Variants in AMZ1 observed in about 807,000 individuals in gnomAD.
The protein encoded by AMZ1 is archaelysin family metallopeptidase 1.
A neutral mutation model predicts 29.9 loss-of-function variants in AMZ1; 39 were observed. The ratio of observed to expected loss-of-function variants is 1.30; its 90% CI spans 1.01 to 1.70. The LOEUF (loss-of-function observed/expected upper bound fraction) is 1.70. AMZ1 is among the 40% of genes most tolerant of loss of function. The pLI is 0.00. For synonymous variants in AMZ1, 458 were observed against 304.0 expected (o/e 1.51, Z -5.27); for missense variants, 1,041 against 680.6 (o/e 1.53, Z -5.89).
chr7:2,698,448 G>A (rs1787865981), intron 1 of AMZ1, among the ~76,000 whole-genome samples: 1 of 152,136 alleles, frequency 6.6e-6, no homozygotes, highest in Non-Finnish European at 1.5e-5. Context: ...TGGGGCAGCA[G>A]AATTGCTTGA....
chr7:2,687,145 G>T (rs1326675965), upstream of AMZ1, among the ~76,000 whole-genome samples: 1 of 152,064 alleles, frequency 6.6e-6, no homozygotes, highest in African/African-American at 2.4e-5. Context: ...TGGCCAAGAA[G>T]GTGAAACCCC....
intron 4 of AMZ1, among the ~76,000 whole-genome samples, chr7:2,737,263 AGTTTTGTTTT>A (rs569069278): frequency 1.3e-5 from 1 of 79,590 alleles, no homozygotes; most frequent in Non-Finnish European, 2.7e-5. Context: ...GCTATCTCAC[AGTTTTGTTTT>A]GTTTTTTTTT....
At chr7:2,763,641 C>T (rs1188002057), upstream of AMZ1, among the ~76,000 whole-genome samples, 1 of 152,260 alleles carries the variant, frequency 6.6e-6, no homozygotes, top group African/African-American at 2.4e-5. Context: ...AACACATTTA[C>T]ACTTCCCAAG....
At chr7:2,735,538 A>T (rs980729708) in intron 4 of AMZ1, among the ~76,000 whole-genome samples, 1 of 152,202 alleles carries the variant, frequency 6.6e-6, no homozygotes, top group African/African-American at 2.4e-5. Flanking sequence ...GATGGGAAGC[A>T]GAAAACAGGA....
chr7:2,735,475 T>C (rs771581558), intron 4 of AMZ1, among the ~76,000 whole-genome samples: 1 of 152,028 alleles, frequency 6.6e-6, no homozygotes, highest in African/African-American at 2.4e-5. Flanking sequence ...TCCGCCCAGA[T>C]AGTACGGACG....
chr7:2,717,051 C>T lies in AMZ1; in HGVS notation c.*4173C>T, dbSNP rs557746917. 6.6e-6 allele frequency among the ~76,000 whole-genome samples: 1 copy of T among 152,274 alleles called. No individual in the cohort carries two copies. The highest frequency in any genetic ancestry group is 1.9e-4 in the East Asian group (1 of 5,182). On this transcript the variant is annotated 3_prime_UTR_variant, in exon 7 of 7. Coordinates refer to ENST00000683327, the MANE Select transcript of AMZ1 (RefSeq NM_001384743.1). ...ACGCGGGAGGCCTGCACCCTGATCC[C>T]TGAGCAGCCCCCACACACCGGCACC...
At position 2,709,253 on chromosome 7, in the gene AMZ1, G is replaced by C. The variant is rs370587760; in HGVS notation, c.771+9G>C. ...TGGTTCAGTGCTGCAAGGTGGGTGG[G>C]GGCTCTGGGGCTGGTAAGAGGGGAC... On this transcript the variant is annotated intron_variant, in intron 5 of 6. Transcript: ENST00000683327. The C allele has an allele frequency of 3.4e-6, 5 of 1,488,880 alleles. No homozygotes were observed. The highest frequency in any genetic ancestry group is 1.4e-5 in the South Asian group (1 of 71,752). 92.2% of individuals were successfully genotyped at this position (1,488,880 alleles called of 1,614,324 possible). A position where few individuals can be genotyped will look rare whatever the true frequency, so the allele number is the denominator to read the frequency against.
At chr7:2,708,126 C>T (rs188342447) in intron 3 of AMZ1, among the ~76,000 whole-genome samples, 2 of 152,226 alleles carry the variant, frequency 1.3e-5, no homozygotes, top group Admixed American at 1.3e-4. Context: ...CCCGGCCTTA[C>T]CGAGGGTTCT....
upstream of AMZ1, among the ~76,000 whole-genome samples, chr7:2,686,276 T>C (rs1344775081): frequency 6.6e-6 from 1 of 152,158 alleles, no homozygotes; most frequent in South Asian, 2.1e-4. Context: ...CTCATACCTG[T>C]GATCTCAACA....
intron 4 of AMZ1, among the ~76,000 whole-genome samples, chr7:2,737,289 G>GTTTTTTTTTTTTTT (rs11389467): frequency 1.6e-3 from 101 of 62,262 alleles, no homozygotes; most frequent in Non-Finnish European, 2.3e-3. Flanking sequence ...TTTTTTTTTT[G>GTTTTTTTTTTTTTT]TTTTTTTTTT....
chr7:2,698,340 C>G (rs1430987315), intron 1 of AMZ1, among the ~76,000 whole-genome samples: 1 of 152,188 alleles, frequency 6.6e-6, no homozygotes. Context: ...GAGTTTGAGA[C>G]CAGCCTGGCC....
intron 4 of AMZ1, among the ~76,000 whole-genome samples, chr7:2,749,884 A>T (rs79538422): frequency 0.017 from 2,529 of 152,284 alleles, 91 homozygotes; most frequent in African/African-American, 0.058. Context: ...AAAAAAGATA[A>T]AGAATGAGGT....
At chr7:2,762,758 C>T, upstream of AMZ1, 1 of 1,550,010 alleles carries the variant, frequency 6.5e-7, no homozygotes, top group African/African-American at 1.4e-5. Flanking sequence ...GTGCACCAGG[C>T]CCGTCCTTTC....
At chr7:2,761,442 A>G (rs1313012261), upstream of AMZ1, among the ~76,000 whole-genome samples, 4 of 152,232 alleles carry the variant, frequency 2.6e-5, no homozygotes, top group African/African-American at 9.6e-5. Flanking sequence ...AATTTGAGAT[A>G]TTTCAGAAGC....
At chr7:2,748,866 T>G (rs1790893044) in intron 4 of AMZ1, among the ~76,000 whole-genome samples, 1 of 152,106 alleles carries the variant, frequency 6.6e-6, no homozygotes, top group African/African-American at 2.4e-5. Context: ...GAACAGACAC[T>G]TCTCAAAAAA....
At chr7:2,736,634 T>C (rs1480079128) in intron 4 of AMZ1, among the ~76,000 whole-genome samples, 4 of 152,208 alleles carry the variant, frequency 2.6e-5, no homozygotes, top group Non-Finnish European at 5.9e-5. Flanking sequence ...GGGCAGGACC[T>C]AGGCCGACAC....
chr7:2,691,612 G>A (rs1233211062), intron 1 of AMZ1, among the ~76,000 whole-genome samples: 2 of 143,880 alleles, frequency 1.4e-5, no homozygotes, highest in Non-Finnish European at 3.0e-5. Flanking sequence ...GTGGTCGTGA[G>A]CGCCTGCAGT....
rs780261999 is a variant in AMZ1 at position 2,709,797 on chromosome 7, G to A, written c.929G>A (p.Arg310Lys). 6.2e-7 allele frequency: 1 copy of A among 1,612,048 alleles called. No individual in the cohort carries two copies. The highest frequency in any genetic ancestry group is 1.1e-5 in the South Asian group (1 of 91,008). Residue 310 changes from arginine (R) to lysine (K), a missense_variant, in exon 6 of 7, where the codon AGG (arginine) becomes AAG (lysine). Physicochemically the swap from Arg to Lys is conservative, Grantham distance 26 (BLOSUM62 2). Transcript: ENST00000683327. ...LRKLQHVLGFRLIERYQRLYT... is the reference protein window; with the variant it reads ...LRKLQHVLGFKLIERYQRLYT... ...AAGCTGCAGCATGTCCTGGGTTTCA[G>A]GCTCATCGAGAGGTACCAGGTGAGT...
chr7:2,691,834 T>A (rs1427184242), intron 1 of AMZ1, among the ~76,000 whole-genome samples: 1 of 151,936 alleles, frequency 6.6e-6, no homozygotes, highest in African/African-American at 2.4e-5. Context: ...CAGGTATTGC[T>A]ATCTGTTTTA....
Sources: gnomAD v4.1 joint callset for allele counts (sites outside exome capture counted in the v4.1 genomes callset) on GRCh38, gnomAD v4.1.1 for gene constraint, MANE v1.5 for transcripts, NCBI Gene and HGNC (gene_info 2026-07-23, HGNC 2026-07-21) for gene names.